The following TMEM178B variants were observed in gnomAD, a reference collection of about 807,000 sequenced individuals.
TMEM178B encodes transmembrane protein 178B.
Under a neutral mutation model 31.0 loss-of-function variants are expected in TMEM178B, and 5 were observed. The ratio of observed to expected loss-of-function variants is 0.16; its 90% CI spans 0.08 to 0.34. The LOEUF (loss-of-function observed/expected upper bound fraction) is 0.34, where lower values mean the gene tolerates loss of function less well. Ranked by LOEUF, TMEM178B falls within the 10% of genes least tolerant of loss-of-function variation. The pLI is 1.00. For synonymous variants in TMEM178B, 164 were observed against 164.0 expected, an observed-to-expected ratio of 1.00 and a Z score of 0.00; for missense variants, 275 against 400.3, an observed-to-expected ratio of 0.69 and a Z score of 2.67.
intron 3 of TMEM178B, among the ~76,000 whole-genome samples, chr7:141,444,225 A>T (rs1801711843): frequency 6.6e-6 from 1 of 152,160 alleles, no homozygotes; most frequent in Non-Finnish European, 1.5e-5. Context: ...TCTCTCCCTG[A>T]ACTTAGATAT....
chr7:141,372,464 ACC>A (rs1800136300), intron 2 of TMEM178B, among the ~76,000 whole-genome samples: 1 of 151,566 alleles, frequency 6.6e-6, no homozygotes, highest in Non-Finnish European at 1.5e-5. Context: ...CTCAAATGTT[ACC>A]TTCTCAGTGG....
At chr7:141,267,998 T>C (rs1480269329) in intron 2 of TMEM178B, among the ~76,000 whole-genome samples, 2 of 152,252 alleles carry the variant, frequency 1.3e-5, no homozygotes, top group East Asian at 3.8e-4. Context: ...TGTGGCTCTG[T>C]CTCCCATGCC....
At position 141,333,161 on chromosome 7, in the gene TMEM178B, A is replaced by G. The variant is rs184343512; in HGVS notation, c.497-104447A>G. On this transcript the variant is annotated intron_variant, in intron 2 of 3. Coordinates refer to ENST00000565468, the MANE Select transcript of TMEM178B (RefSeq NM_001195278.2). ...GTGAAATAGCCAGCTCTCAAATTCT[A>G]TGGTGTTGAAAACAGCGTTAGACAT... Among the ~76,000 whole-genome samples the G allele has an allele frequency of 7.9e-5, 12 of 152,338 alleles. No individual in the cohort carries two copies. The East Asian group carries it at 2.3e-3, about 29-fold the overall frequency.
intron 2 of TMEM178B, among the ~76,000 whole-genome samples, chr7:141,406,828 A>G (rs768150236): frequency 2.6e-5 from 4 of 152,378 alleles, no homozygotes; most frequent in Admixed American, 6.5e-5. Context: ...CTGAAGTTGA[A>G]GTGGCGTTTT....
chr7:141,185,908 A>T (rs1796602977), intron 1 of TMEM178B, among the ~76,000 whole-genome samples: 1 of 152,038 alleles, frequency 6.6e-6, no homozygotes, highest in Admixed American at 6.5e-5. Context: ...TCAATCAGAG[A>T]CCTGCACAGA....
At chr7:141,428,368 C>CAAAAAAAA (rs1491261666) in intron 2 of TMEM178B, among the ~76,000 whole-genome samples, 1 of 25,606 alleles carries the variant, frequency 3.9e-5, no homozygotes, top group Admixed American at 3.6e-4. Context: ...GACTCCACCT[C>CAAAAAAAA]AAAAAAAAAA....
intron 1 of TMEM178B, among the ~76,000 whole-genome samples, chr7:141,089,402 A>T (rs1384007155): frequency 1.3e-5 from 2 of 152,234 alleles, no homozygotes; most frequent in African/African-American, 2.4e-5. Context: ...ACACTTTTAC[A>T]CTGTTGATGG....
At chr7:141,278,559 G>A (rs1798304874) in intron 2 of TMEM178B, among the ~76,000 whole-genome samples, 1 of 152,044 alleles carries the variant, frequency 6.6e-6, no homozygotes, top group South Asian at 2.1e-4. Flanking sequence ...CCCAGATTGG[G>A]TGACAGAGCG....
At chr7:141,143,527 A>G (rs1477204313) in intron 1 of TMEM178B, among the ~76,000 whole-genome samples, 2 of 152,106 alleles carry the variant, frequency 1.3e-5, no homozygotes, top group African/African-American at 4.8e-5. Flanking sequence ...AGATGGTTGT[A>G]GGTGTGTGGC....
chr7:141,423,777 G>T (rs1384778088), intron 2 of TMEM178B, among the ~76,000 whole-genome samples: 1 of 148,912 alleles, frequency 6.7e-6, no homozygotes, highest in Non-Finnish European at 1.5e-5. Context: ...GCAGATTTGA[G>T]TAAGAAGATT....
chr7:141,127,932 G>T (rs2129177271), intron 1 of TMEM178B, among the ~76,000 whole-genome samples: 1 of 152,280 alleles, frequency 6.6e-6, no homozygotes, highest in South Asian at 2.1e-4. Context: ...TCTGTTGGCT[G>T]TGGGATCTGC....
chr7:141,212,943 A>G (rs1797073435), intron 2 of TMEM178B, among the ~76,000 whole-genome samples: 1 of 152,248 alleles, frequency 6.6e-6, no homozygotes, highest in Non-Finnish European at 1.5e-5. Flanking sequence ...CTTCGGAAAC[A>G]ACTAGCAATT....
the TMEM178B span, among the ~76,000 whole-genome samples, chr7:141,496,669 CAAAAAAA>C: frequency 8.1e-4 from 27 of 33,266 alleles, no homozygotes; most frequent in African/African-American, 2.9e-3. Context: ...GACTCCGTCT[CAAAAAAA>C]AAAAAAAAAA....
At chr7:141,246,475 T>A (rs1353808151) in intron 2 of TMEM178B, among the ~76,000 whole-genome samples, 1 of 152,196 alleles carries the variant, frequency 6.6e-6, no homozygotes, top group African/African-American at 2.4e-5. Flanking sequence ...GACAAGAAGA[T>A]CTTCAATAAA....
intron 2 of TMEM178B, among the ~76,000 whole-genome samples, chr7:141,403,890 G>A (rs1438142499): frequency 6.6e-6 from 1 of 152,212 alleles, no homozygotes; most frequent in African/African-American, 2.4e-5. Flanking sequence ...TTCAGAAAGG[G>A]TGCTCCTTTG....
intron 2 of TMEM178B, among the ~76,000 whole-genome samples, chr7:141,276,993 G>A (rs1798277312): frequency 6.6e-6 from 1 of 152,238 alleles, no homozygotes; most frequent in Admixed American, 6.5e-5. Context: ...AATGGAGCTT[G>A]CAGAACTGGA....
Position 141,307,328 on chromosome 7 carries a change from G to C in TMEM178B, c.496+94624G>C, listed in dbSNP as rs183563906. The stretch of plus-strand genomic sequence containing the variant: ...AGGATTAACTATCACTTTTGTAATA[G>C]ATAATTTCCATACGGGTATATTTTA... On this transcript the variant is annotated intron_variant, in intron 2 of 3. Coordinates refer to ENST00000565468, the MANE Select transcript of TMEM178B (RefSeq NM_001195278.2). Among the ~76,000 whole-genome samples, 405 of 152,338 alleles carry C rather than the reference G, an allele frequency of 2.7e-3. 1 individual carries two copies. The highest frequency in any genetic ancestry group is 4.9e-3 in the Non-Finnish European group (334 of 68,036).
intron 1 of TMEM178B, among the ~76,000 whole-genome samples, chr7:141,085,597 C>G (rs1373301932): frequency 6.6e-6 from 1 of 151,468 alleles, no homozygotes; most frequent in African/African-American, 2.5e-5. Flanking sequence ...CTGGAGCTCA[C>G]TCTGTTGGAC....
chr7:141,331,453 A>G (rs993369642), intron 2 of TMEM178B, among the ~76,000 whole-genome samples: 7 of 152,182 alleles, frequency 4.6e-5, no homozygotes, highest in Non-Finnish European at 7.3e-5. Context: ...GAAATGCAAC[A>G]GTTGCTATTG....
Sources: gnomAD v4.1 joint callset for allele counts (sites outside exome capture counted in the v4.1 genomes callset) on GRCh38, gnomAD v4.1.1 for gene constraint, MANE v1.5 for transcripts, NCBI Gene and HGNC (gene_info 2026-07-23, HGNC 2026-07-21) for gene names.